Variants in CFAP299 observed in about 807,000 individuals in gnomAD.
CFAP299 encodes cilia- and flagella-associated protein 299.
CFAP299 carries 21 observed loss-of-function variants against 27.0 expected under a neutral mutation model. The observed-to-expected ratio is 0.78, with a 90% CI of 0.55 to 1.12. The LOEUF (loss-of-function observed/expected upper bound fraction) is 1.12. Among genes scored for constraint, CFAP299 ranks in the 50% most tolerant of loss-of-function variants. The pLI, the probability that CFAP299 is intolerant of heterozygous loss-of-function variation, is 0.00. For missense variants in CFAP299, 310 were observed against 276.6 expected (o/e 1.12, Z -0.86); for synonymous variants, 104 against 98.1 (o/e 1.06, Z -0.36).
chr4:80,757,908 T>C (rs1493181), intron 3 of CFAP299, among the ~76,000 whole-genome samples: 152,087 of 152,210 alleles, frequency 1, 75,982 homozygotes, highest in Non-Finnish European at 1. Context: ...TTCTACCCCT[T>C]GCGGGAGGGG....
intron 2 of CFAP299, among the ~76,000 whole-genome samples, chr4:80,548,799 C>T (rs1193215765): frequency 6.6e-6 from 1 of 152,056 alleles, no homozygotes; most frequent in Non-Finnish European, 1.5e-5. Context: ...GCTGTATTGT[C>T]AGGTTCTATA....
intron 3 of CFAP299, among the ~76,000 whole-genome samples, chr4:80,710,357 G>T (rs1047523341): frequency 6.6e-6 from 1 of 152,016 alleles, no homozygotes; most frequent in Non-Finnish European, 1.5e-5. Context: ...ACAAGTTTGT[G>T]ATTGAAAGAA....
At chr4:80,412,808 C>A (rs532871468) in intron 2 of CFAP299, among the ~76,000 whole-genome samples, 1 of 152,180 alleles carries the variant, frequency 6.6e-6, no homozygotes, top group South Asian at 2.1e-4. Flanking sequence ...ATTTTTTCAC[C>A]AAATCCCTGG....
intron 4 of CFAP299, among the ~76,000 whole-genome samples, chr4:80,932,967 G>A (rs1055870298): frequency 2.6e-5 from 4 of 151,896 alleles, no homozygotes; most frequent in African/African-American, 7.3e-5. Context: ...TAAATGTCAC[G>A]ATGATTAATA....
chr4:80,413,668 A>G (rs1333321218), intron 2 of CFAP299, among the ~76,000 whole-genome samples: 1 of 151,912 alleles, frequency 6.6e-6, no homozygotes, highest in South Asian at 2.1e-4. Flanking sequence ...CAAGACCTCA[A>G]AGTCGGGAAA....
chr4:80,907,994 C>G (rs1414459044), intron 4 of CFAP299, among the ~76,000 whole-genome samples: 1 of 152,216 alleles, frequency 6.6e-6, no homozygotes. Flanking sequence ...GCTTTGCATG[C>G]AGAGTTTCAC....
intron 3 of CFAP299, among the ~76,000 whole-genome samples, chr4:80,692,083 T>A (rs1720747982): frequency 6.6e-6 from 1 of 152,132 alleles, no homozygotes; most frequent in Non-Finnish European, 1.5e-5. Context: ...TGCTCATAGG[T>A]AGGAAGAATC....
In CFAP299 at chr4:80,726,874, GGTAT is replaced by G. The variant is rs751431740; in HGVS notation, c.334-143116_334-143113del. 1.4e-3 allele frequency among the ~76,000 whole-genome samples: 217 copies of G among 152,144 alleles called. 1 individual carries two copies. Among genetic ancestry groups the G allele is most frequent in the Non-Finnish European group, 2.6e-3 (179 of 67,952 alleles). On this transcript the variant is annotated intron_variant, in intron 3 of 5. Coordinates refer to ENST00000358105, the MANE Select transcript of CFAP299 (RefSeq NM_152770.3). ...GATATTATATAATCAGTTGGATACA[GGTAT>G]GTGTTTATCAATTGGTATTTTCTCA...
intron 2 of CFAP299, among the ~76,000 whole-genome samples, chr4:80,424,156 A>C (rs1031820983): frequency 2.6e-5 from 4 of 152,104 alleles, no homozygotes; most frequent in African/African-American, 7.2e-5. Context: ...TTCCAGTCTT[A>C]AGCCATTTTG....
intron 3 of CFAP299, among the ~76,000 whole-genome samples, chr4:80,584,287 C>A (rs561749435): frequency 5.5e-4 from 84 of 151,970 alleles, no homozygotes; most frequent in African/African-American, 1.9e-3. Flanking sequence ...TTAAACGAGG[C>A]TAAGACTAGG....
At chr4:80,825,094 T>C (rs1307839557) in intron 3 of CFAP299, among the ~76,000 whole-genome samples, 2 of 151,852 alleles carry the variant, frequency 1.3e-5, no homozygotes, top group Non-Finnish European at 1.5e-5. Flanking sequence ...ACCAACAAGA[T>C]GTTCTGCAGC....
chr4:80,351,764 T>C (rs1000807169), intron 1 of CFAP299, among the ~76,000 whole-genome samples: 1 of 151,150 alleles, frequency 6.6e-6, no homozygotes, highest in South Asian at 2.1e-4. Context: ...CATTAACAGA[T>C]TAATAATAAA....
intron 3 of CFAP299, among the ~76,000 whole-genome samples, chr4:80,672,538 T>G (rs761353647): frequency 7.2e-5 from 11 of 152,220 alleles, no homozygotes; most frequent in Non-Finnish European, 1.2e-4. Flanking sequence ...TAGGGAGGAT[T>G]CCCTCTTTTT....
intron 3 of CFAP299, among the ~76,000 whole-genome samples, chr4:80,621,414 A>G (rs1738600288): frequency 6.6e-6 from 1 of 152,168 alleles, no homozygotes; most frequent in Non-Finnish European, 1.5e-5. Flanking sequence ...TACCTAAAAT[A>G]AATATTTTGT....
intron 3 of CFAP299, among the ~76,000 whole-genome samples, chr4:80,660,775 T>G (rs1740800118): frequency 6.6e-6 from 1 of 152,132 alleles, no homozygotes; most frequent in Non-Finnish European, 1.5e-5. Flanking sequence ...CACAAAGGGC[T>G]CGATTGAGTT....
chr4:80,713,834 C>T (rs768440273), intron 3 of CFAP299, among the ~76,000 whole-genome samples: 6 of 152,228 alleles, frequency 3.9e-5, no homozygotes, highest in Non-Finnish European at 7.4e-5. Flanking sequence ...TGAAAAAAGT[C>T]CCTTCTAAAA....
intron 2 of CFAP299, chr4:80,387,850 G>T (rs1725100750): frequency 7.5e-6 from 10 of 1,333,278 alleles, no homozygotes; most frequent in Non-Finnish European, 1.1e-5. Context: ...GGTACCTTTA[G>T]CCCGTGGGGT....
the CFAP299 span, among the ~76,000 whole-genome samples, chr4:80,328,351 A>T: frequency 6.6e-6 from 1 of 152,176 alleles, no homozygotes; most frequent in Non-Finnish European, 1.5e-5. Flanking sequence ...GAATGTGACT[A>T]ACAGCAGGAT....
At chr4:80,510,132 C>T in intron 2 of CFAP299, among the ~76,000 whole-genome samples, 1 of 152,242 alleles carries the variant, frequency 6.6e-6, no homozygotes, top group East Asian at 1.9e-4. Flanking sequence ...AAGCCTTTTC[C>T]AGTTGCCTCA....
Sources: gnomAD v4.1 joint callset for allele counts (sites outside exome capture counted in the v4.1 genomes callset) on GRCh38, gnomAD v4.1.1 for gene constraint, MANE v1.5 for transcripts, NCBI Gene and HGNC (gene_info 2026-07-23, HGNC 2026-07-21) for gene names.